NFAM1: variants seen among roughly 807,000 people sequenced by gnomAD.
The protein encoded by NFAM1 is NFAT activation molecule 1.
NFAM1 carries 17 observed loss-of-function variants against 29.0 expected under a neutral mutation model. That is an observed-to-expected ratio of 0.59 (90% CI 0.40 to 0.88). The LOEUF is 0.88. NFAM1 is among the 40% of genes least tolerant of loss of function. The probability of loss-of-function intolerance (pLI) is 0.00; values close to 1 mark genes in which losing one functional copy is unlikely to be tolerated. For synonymous variants in NFAM1, 175 were observed against 147.2 expected, an observed-to-expected ratio of 1.19 and a Z score of -1.36; for missense variants, 324 against 344.6, an observed-to-expected ratio of 0.94 and a Z score of 0.47.
chr22:42,389,607 G>C (rs1416696170), intron 4 of NFAM1, among the ~76,000 whole-genome samples: 1 of 150,050 alleles, frequency 6.7e-6, no homozygotes, highest in African/African-American at 2.5e-5. Flanking sequence ...GCTGGGCTGG[G>C]CTGGGGGTTG....
At chr22:42,416,107 G>T (rs1457170378) in intron 1 of NFAM1, among the ~76,000 whole-genome samples, 1 of 152,138 alleles carries the variant, frequency 6.6e-6, no homozygotes, top group Non-Finnish European at 1.5e-5. Context: ...ATCCTGGCTT[G>T]GTGTGACACA....
At position 42,383,038 on chromosome 22, in the gene NFAM1, G is replaced by A. The variant is rs1230704491; in HGVS notation, c.*2123C>T. 6.5e-6 allele frequency: 1 copy of A among 153,784 alleles called. No homozygotes were observed. The highest frequency in any genetic ancestry group is 1.4e-5 in the Non-Finnish European group (1 of 69,276). The allele number at this position is 153,784 out of a possible 1,614,324, so 9.5% of individuals were successfully genotyped here. A position where few individuals can be genotyped will look rare whatever the true frequency, so the allele number is the denominator to read the frequency against. On this transcript the variant is annotated 3_prime_UTR_variant, in exon 6 of 6. Coordinates refer to ENST00000329021, the MANE Select transcript of NFAM1 (RefSeq NM_145912.8). ...ATAGAGCAGGGGAGGCCAAGGCCAG[G>A]TGTGGGTTTAATCGGGGTCTGTCGG... is the stretch of plus-strand genomic sequence containing the variant.
At chr22:42,425,579 T>C (rs1031551904) in intron 1 of NFAM1, among the ~76,000 whole-genome samples, 3 of 152,164 alleles carry the variant, frequency 2.0e-5, no homozygotes, top group Non-Finnish European at 4.4e-5. Flanking sequence ...TGCCGCCTCC[T>C]GCCCGCCACA....
intron 1 of NFAM1, among the ~76,000 whole-genome samples, chr22:42,415,294 C>CTTTTTTT (rs398037250): frequency 6.3e-4 from 60 of 94,780 alleles, no homozygotes; most frequent in Non-Finnish European, 8.6e-4. Flanking sequence ...TTCTTTCTTT[C>CTTTTTTT]TTTTTTTTTT....
chr22:42,394,704 T>C (rs1401552804), intron 4 of NFAM1, among the ~76,000 whole-genome samples: 1 of 152,156 alleles, frequency 6.6e-6, no homozygotes, highest in Middle Eastern at 3.4e-3. Flanking sequence ...AGACTATATT[T>C]TAAAAAAAAC....
chr22:42,393,941 C>T (rs568119459), intron 4 of NFAM1, among the ~76,000 whole-genome samples: 6 of 152,252 alleles, frequency 3.9e-5, no homozygotes, highest in South Asian at 4.1e-4. Context: ...TTGAAAATAA[C>T]ACGTACCATG....
At position 42,419,855 on chromosome 22, in the gene NFAM1, A is replaced by G. The variant is rs142759600; in HGVS notation, c.122-8119T>C. Among the ~76,000 whole-genome samples, 1,239 of 152,240 alleles carry G rather than the reference A, an allele frequency of 8.1e-3. 30 individuals are homozygous for G. The highest frequency in any genetic ancestry group is 0.028 in the African/African-American group (1,178 of 41,556). On this transcript the variant is annotated intron_variant, in intron 1 of 5. Transcript: ENST00000329021. The surrounding 1 kb of genome is among the most constrained non-coding windows in gnomAD (Gnocchi z 4.5). The stretch of plus-strand genomic sequence containing the variant: ...TTAAGCCATGTGATCAGAAGAGCCA[A>G]TGTCCCCTGGGTTTGGTTTCACCTT...
intron 1 of NFAM1, 88 bp from the exon 2 acceptor site, chr22:42,411,824 G>GC (rs1044852023): frequency 1.1e-6 from 1 of 870,718 alleles, no homozygotes; most frequent in African/African-American, 1.7e-5. Flanking sequence ...ACGACCGGGT[G>GC]CGGTGGCTCA....
chr22:42,415,836 C>T lies in NFAM1; in HGVS notation c.122-4100G>A, dbSNP rs1054509661. ...TCTTTTCAGCTGTCATTTGTTTGTG[C>T]CTCCCACAAACATTGAAGGGGTACC... On this transcript the variant is annotated intron_variant, in intron 1 of 5. Coordinates refer to ENST00000329021, the MANE Select transcript of NFAM1 (RefSeq NM_145912.8). Among the ~76,000 whole-genome samples the T allele has an allele frequency of 5.3e-5, 8 of 152,336 alleles. No homozygotes were observed. The East Asian group carries it at 1.5e-3, about 29-fold the overall frequency.
intron 4 of NFAM1, among the ~76,000 whole-genome samples, chr22:42,395,173 C>CA (rs57832859): frequency 0.051 from 6,940 of 135,778 alleles, 399 homozygotes; most frequent in African/African-American, 0.15. Flanking sequence ...GACCCTGTCT[C>CA]AAAAAAAAAA....
intron 1 of NFAM1, among the ~76,000 whole-genome samples, chr22:42,422,184 C>T (rs1601759567): frequency 6.6e-6 from 1 of 152,196 alleles, no homozygotes; most frequent in East Asian, 1.9e-4. Context: ...CTCTAGACCC[C>T]CGAACCAGGG....
In NFAM1 at chr22:42,380,971, G is replaced by T. The variant is rs117417957; in HGVS notation, c.*4190C>A. 2.1e-3 allele frequency: 327 copies of T among 152,600 alleles called. 5 individuals carry two copies. The East Asian group carries it at 0.027, about 13-fold the overall frequency. 9.5% of individuals were successfully genotyped at this position (152,600 alleles called of 1,614,324 possible). On this transcript the variant is annotated 3_prime_UTR_variant, in exon 6 of 6. Transcript: ENST00000329021. ...GAACCCCAGCCACACCGGGTTCAGC[G>T]CAGAACCAGCACATGTTCCCATGGA...
intron 1 of NFAM1, among the ~76,000 whole-genome samples, chr22:42,431,082 G>T (rs1345008037): frequency 6.6e-6 from 1 of 152,208 alleles, no homozygotes; most frequent in Non-Finnish European, 1.5e-5. Context: ...TTCTTTACAA[G>T]TAAGAGGATC....
At chr22:42,424,911 G>GTATTTATTTATTTATTTATTTATTTATT (rs67558344) in intron 1 of NFAM1, among the ~76,000 whole-genome samples, 5 of 147,804 alleles carry the variant, frequency 3.4e-5, no homozygotes, top group African/African-American at 1.3e-4. Context: ...CTTTCTTTTC[G>GTATTTATTTATTTATTTATTTATTTATT]TATTTATTTA....
intron 1 of NFAM1, among the ~76,000 whole-genome samples, chr22:42,412,899 G>A (rs1930142049): frequency 6.6e-6 from 1 of 152,174 alleles, no homozygotes; most frequent in Non-Finnish European, 1.5e-5. Flanking sequence ...CAGTTTTGTA[G>A]GAGCCACCCC....
At position 42,398,667 on chromosome 22, in the gene NFAM1, C is replaced by T. The variant is rs116469890; in HGVS notation, c.565-711G>A. ...GACCTCAGGTGATCCACCGCCTTGG[C>T]GTCCCAAAATGCTGGGATTACAGGT... On this transcript the variant is annotated intron_variant, in intron 3 of 5. Coordinates refer to ENST00000329021, the MANE Select transcript of NFAM1 (RefSeq NM_145912.8). Among the ~76,000 whole-genome samples, 1,461 of 152,140 alleles carry T rather than the reference C, an allele frequency of 9.6e-3. 27 individuals carry two copies. The highest frequency in any genetic ancestry group is 0.033 in the African/African-American group (1,381 of 41,508).
Position 42,402,399 on chromosome 22 carries a change from G to A in NFAM1, c.565-4443C>T, listed in dbSNP as rs1929752769. Reference sequence around the variant, plus strand: ...AGCTTGGGGAGGGGTCTGAGCAGCAGCATCTGTGGACAGGGAATGCCACCC... The same window carrying A: ...AGCTTGGGGAGGGGTCTGAGCAGCAACATCTGTGGACAGGGAATGCCACCC... On this transcript the variant is annotated intron_variant, in intron 3 of 5. Coordinates refer to ENST00000329021, the MANE Select transcript of NFAM1 (RefSeq NM_145912.8). Among the ~76,000 whole-genome samples the A allele has an allele frequency of 2.0e-5, 3 of 152,212 alleles. No individual in the cohort carries two copies. The South Asian group carries it at 6.2e-4, about 31-fold the overall frequency.
chr22:42,400,769 G>A (rs548724546), intron 3 of NFAM1, among the ~76,000 whole-genome samples: 6 of 152,378 alleles, frequency 3.9e-5, no homozygotes, highest in Admixed American at 2.6e-4. Context: ...CACAGTCAGA[G>A]GTAGTGGTCT....
intron 3 of NFAM1, among the ~76,000 whole-genome samples, chr22:42,405,886 C>T (rs946160479): frequency 2.0e-5 from 3 of 152,192 alleles, no homozygotes; most frequent in South Asian, 2.1e-4. Context: ...GTGGCTGAGG[C>T]CCTGACCCAG....
Sources: allele counts gnomAD v4.1 joint callset (sites outside exome capture counted in the v4.1 genomes callset), GRCh38; gene constraint gnomAD v4.1.1; non-coding constraint Gnocchi (gnomAD v3.1); transcripts MANE v1.5; gene names NCBI Gene and HGNC (gene_info 2026-07-23, HGNC 2026-07-21).